Variants in NOS1AP observed in about 807,000 individuals in gnomAD.
NOS1AP encodes nitric oxide synthase 1 adaptor protein, also known as carboxyl-terminal PDZ ligand of neuronal nitric oxide synthase protein.
Under a neutral mutation model 56.2 loss-of-function variants are expected in NOS1AP, and 21 were observed. That is an observed-to-expected ratio of 0.37 (90% CI 0.26 to 0.54). The LOEUF (loss-of-function observed/expected upper bound fraction) is 0.54. Among genes scored for constraint, NOS1AP ranks in the 20% least tolerant of loss-of-function variants. NOS1AP has a pLI of 0.84. For missense variants in NOS1AP, 522 were observed against 657.8 expected, an observed-to-expected ratio of 0.79 and a Z score of 2.26; for synonymous variants, 270 against 274.6, an observed-to-expected ratio of 0.98 and a Z score of 0.17.
chr1:162,330,415 C>T (rs1211112044), intron 4 of NOS1AP, among the ~76,000 whole-genome samples: 1 of 152,252 alleles, frequency 6.6e-6, no homozygotes, highest in East Asian at 1.9e-4. Context: ...AACGTTGAGC[C>T]CCAGGGTATT....
chr1:162,195,493 T>C (rs1651775468), intron 2 of NOS1AP, among the ~76,000 whole-genome samples: 1 of 152,242 alleles, frequency 6.6e-6, no homozygotes, highest in African/African-American at 2.4e-5. Flanking sequence ...TCAGTATTTA[T>C]GCATTAAATA....
At chr1:162,284,296 T>A (rs1655023146) in intron 2 of NOS1AP, among the ~76,000 whole-genome samples, 1 of 152,258 alleles carries the variant, frequency 6.6e-6, no homozygotes, top group Admixed American at 6.5e-5. Context: ...ATTTTCCTAG[T>A]TTCCAACATA....
chr1:162,212,236 A>G (rs1209588817), intron 2 of NOS1AP, among the ~76,000 whole-genome samples: 2 of 152,198 alleles, frequency 1.3e-5, no homozygotes. Flanking sequence ...TGACATATAG[A>G]GAACCAGGGG....
chr1:162,070,089 C>T lies in NOS1AP; in HGVS notation c.-89C>T. The T allele has an allele frequency of 1.8e-6, 2 of 1,086,540 alleles. No homozygotes were observed. Among genetic ancestry groups the T allele is most frequent in the South Asian group, 2.6e-5 (2 of 77,210 alleles). 67.3% of individuals were successfully genotyped at this position (1,086,540 alleles called of 1,614,324 possible). A position where few individuals can be genotyped will look rare whatever the true frequency, so the allele number is the denominator to read the frequency against. On this transcript the variant is annotated 5_prime_UTR_variant, in exon 1 of 10. Coordinates refer to ENST00000361897, the MANE Select transcript of NOS1AP (RefSeq NM_014697.3). ...TCCCAGGCCCCGCCACGCGTCGCCG[C>T]GCCCAGCTCCAGTCTCCCCTCCCCG...
intron 6 of NOS1AP, among the ~76,000 whole-genome samples, chr1:162,349,194 A>G (rs925211135): frequency 2.0e-4 from 30 of 151,650 alleles, no homozygotes; most frequent in Admixed American, 5.9e-4. Context: ...ACTCCAAAAA[A>G]GGGGAAAAAA....
rs531559016 is a variant in NOS1AP at position 162,241,865 on chromosome 1, C to G, written c.178-45479C>G. Among the ~76,000 whole-genome samples, 8 of 152,304 alleles carry G rather than the reference C, an allele frequency of 5.3e-5. No individual in the cohort carries two copies. The East Asian group carries it at 1.5e-3, about 29-fold the overall frequency. ...AGAGGCTGGCTGCATGGTGCCATCT[C>G]TAGTCTTACTTTTTCAGCAACCCTG... is the stretch of plus-strand genomic sequence containing the variant. On this transcript the variant is annotated intron_variant, in intron 2 of 9. Transcript: ENST00000361897.
At chr1:162,161,124 C>T (rs748379864) in intron 2 of NOS1AP, among the ~76,000 whole-genome samples, 6 of 152,210 alleles carry the variant, frequency 3.9e-5, no homozygotes, top group African/African-American at 1.2e-4. Flanking sequence ...TAAGGTCCCT[C>T]GTTATTAGAT....
chr1:162,113,380 T>G (rs1032165984), intron 1 of NOS1AP, among the ~76,000 whole-genome samples: 1 of 152,090 alleles, frequency 6.6e-6, no homozygotes, highest in Non-Finnish European at 1.5e-5. Context: ...CACAGTGGAA[T>G]GTGTTGTCGG....
intron 1 of NOS1AP, 90 bp from the exon 2 acceptor site, chr1:162,154,315 G>A: frequency 9.1e-7 from 1 of 1,101,064 alleles, no homozygotes; most frequent in Non-Finnish European, 1.4e-6. Context: ...AAAATGGGCA[G>A]ATGAGCTAGT....
Position 162,070,183 on chromosome 1 carries a change from T to A in NOS1AP, c.6T>A (p.Pro2=). The A allele has an allele frequency of 6.2e-7, 1 of 1,613,746 alleles. No individual in the cohort carries two copies. Among genetic ancestry groups the A allele is most frequent in the African/African-American group, 1.3e-5 (1 of 75,050 alleles). The change falls in exon 1 of 10, where the codon CCT becomes CCA. Residue 2 remains proline (P), a synonymous_variant. Coordinates refer to ENST00000361897, the MANE Select transcript of NOS1AP (RefSeq NM_014697.3). M[P]SKTKYNLVDD... Reference sequence around the variant, plus strand: ...CGGGTCCGCCGCGGGTAACCATGCCTAGCAAAACCAAGTACAACCTTGTGG... The same window carrying A: ...CGGGTCCGCCGCGGGTAACCATGCCAAGCAAAACCAAGTACAACCTTGTGG...
chr1:162,233,509 A>AC (rs1225956571), intron 2 of NOS1AP, among the ~76,000 whole-genome samples: 2 of 151,616 alleles, frequency 1.3e-5, no homozygotes, highest in Non-Finnish European at 2.9e-5. Flanking sequence ...ATATTCAGTG[A>AC]TTTTTTTTTG....
intron 2 of NOS1AP, among the ~76,000 whole-genome samples, chr1:162,156,532 G>A (rs1194017546): frequency 6.6e-6 from 1 of 152,196 alleles, no homozygotes; most frequent in Non-Finnish European, 1.5e-5. Flanking sequence ...TTTCACCACA[G>A]TTGTGGTTGC....
At chr1:162,255,409 C>G (rs1436416118) in intron 2 of NOS1AP, among the ~76,000 whole-genome samples, 1 of 150,078 alleles carries the variant, frequency 6.7e-6, no homozygotes. Context: ...CTTGTGGCTC[C>G]TTTTACTGTT....
intron 1 of NOS1AP, among the ~76,000 whole-genome samples, chr1:162,110,294 C>T (rs568740986): frequency 6.6e-6 from 1 of 152,048 alleles, no homozygotes; most frequent in East Asian, 1.9e-4. Context: ...ACATGTTCAC[C>T]AGCCAAATAA....
At chr1:162,252,993 G>C (rs954622289) in intron 2 of NOS1AP, among the ~76,000 whole-genome samples, 2 of 152,006 alleles carry the variant, frequency 1.3e-5, no homozygotes, top group African/African-American at 2.4e-5. Flanking sequence ...GTGCCTAATT[G>C]GTCTCTGCTA....
chr1:162,280,817 A>G (rs544240460), intron 2 of NOS1AP, among the ~76,000 whole-genome samples: 1 of 152,276 alleles, frequency 6.6e-6, no homozygotes, highest in African/African-American at 2.4e-5. Context: ...AAATGTCTCT[A>G]CCCAGTGTTT....
At chr1:162,217,266 G>GTTTTTTTTTTTTTTTTTTT (rs1557836281) in intron 2 of NOS1AP, among the ~76,000 whole-genome samples, 1 of 18,290 alleles carries the variant, frequency 5.5e-5, no homozygotes, top group East Asian at 1.9e-3. Context: ...GCTGTTGTTA[G>GTTTTTTTTTTTTTTTTTTT]CTTTTTTTTT....
chr1:162,136,550 G>T (rs140295179), intron 1 of NOS1AP, among the ~76,000 whole-genome samples: 1 of 152,300 alleles, frequency 6.6e-6, no homozygotes, highest in East Asian at 1.9e-4. Flanking sequence ...TAGAACTTCA[G>T]ATTCTGTCTT....
chr1:162,145,201 A>G (rs867063155), intron 1 of NOS1AP, among the ~76,000 whole-genome samples: 15 of 122,126 alleles, frequency 1.2e-4, no homozygotes, highest in African/African-American at 4.4e-4. Flanking sequence ...ATAAATGAAG[A>G]CGTGGTGTGC....
Sources: allele counts gnomAD v4.1 joint callset (sites outside exome capture counted in the v4.1 genomes callset), GRCh38; gene constraint gnomAD v4.1.1; transcripts MANE v1.5; gene names NCBI Gene and HGNC (gene_info 2026-07-23, HGNC 2026-07-21).